MYH10: variants seen among roughly 807,000 people sequenced by gnomAD.
The protein encoded by MYH10 is myosin-10.
Under a neutral mutation model 257.8 loss-of-function variants are expected in MYH10, and 55 were observed. That is an observed-to-expected ratio of 0.21 (90% CI 0.17 to 0.27). The LOEUF is 0.27. Ranked by LOEUF, MYH10 falls within the 10% of genes least tolerant of loss-of-function variation. The pLI is 1.00. For missense variants in MYH10, 1,631 were observed against 2,500.6 expected, an observed-to-expected ratio of 0.65 and a Z score of 7.42; for synonymous variants, 854 against 921.7, an observed-to-expected ratio of 0.93 and a Z score of 1.33.
chr17:8,481,235 G>T, intron 38 of MYH10, 87 bp downstream of exon 38: 1 of 1,335,924 alleles, frequency 7.5e-7, no homozygotes. Flanking sequence ...ACCACCCGCT[G>T]ATGCCAGGTG....
intron 6 of MYH10, among the ~76,000 whole-genome samples, chr17:8,575,676 A>G (rs1036917649): frequency 1.3e-5 from 2 of 152,224 alleles, no homozygotes; most frequent in Non-Finnish European, 2.9e-5. Flanking sequence ...GATCATTTCC[A>G]TAACTCGATA....
chr17:8,548,988 AATG>A (rs1309651825), intron 9 of MYH10, among the ~76,000 whole-genome samples: 1 of 152,232 alleles, frequency 6.6e-6, no homozygotes, highest in East Asian at 1.9e-4. Context: ...AACAAAGGAA[AATG>A]ATGATGTTAA....
intron 35 of MYH10, 32 bp from the exon 36 acceptor site, chr17:8,487,626 C>A (rs1915081851): frequency 1.2e-6 from 2 of 1,612,964 alleles, no homozygotes; most frequent in African/African-American, 1.3e-5. Context: ...TGCTGGGTTA[C>A]ATCCAAGTAT....
rs1437344256 is a variant in MYH10, at chr17:8,488,816, AC to A, written c.4885-1223del. Among the ~76,000 whole-genome samples, 5 of 152,052 alleles carry A rather than the reference AC, an allele frequency of 3.3e-5. No homozygotes were observed. The South Asian group carries it at 1.0e-3, about 32-fold the overall frequency. On this transcript the variant is annotated intron_variant, in intron 35 of 42. Transcript: ENST00000360416. Reference sequence around the variant, plus strand: ...CATCTGCTTGCTGTGTTCTGCAGAGACCTGGGGCTGTACCTCAAGGCACAGG... The same window carrying A: ...CATCTGCTTGCTGTGTTCTGCAGAGACTGGGGCTGTACCTCAAGGCACAGG...
At position 8,548,747 on chromosome 17, in the gene MYH10, G is replaced by A; in HGVS notation, c.960C>T (p.Leu320=). The change falls in exon 10 of 43, where the codon CTC becomes CTT. Residue 320 remains leucine, a synonymous_variant. Transcript: ENST00000360416. The part of the protein sequence containing the change: ...LLEGFNNYRF[L]SNGYIPIPGQ... ...CCGGAATAGGAATATAGCCATTGGA[G>A]AGAAACCTGTAGTTATTAAATCCTT... is the stretch of plus-strand genomic sequence containing the variant. 6.2e-7 allele frequency: 1 copy of A among 1,613,364 alleles called. No individual in the cohort carries two copies. The highest frequency in any genetic ancestry group is 8.5e-7 in the Non-Finnish European group (1 of 1,179,362).
chr17:8,586,040 G>A (rs1254231479), intron 4 of MYH10, among the ~76,000 whole-genome samples: 1 of 152,070 alleles, frequency 6.6e-6, no homozygotes, highest in East Asian at 1.9e-4. Flanking sequence ...ACTTTAGCAG[G>A]ACCCCCCAGT....
chr17:8,490,634 C>A lies in MYH10; in HGVS notation c.4672-82G>T. 1 of 1,424,086 alleles carries A rather than the reference C, an allele frequency of 7.0e-7. No individual in the cohort carries two copies. The highest frequency in any genetic ancestry group is 2.3e-5 in the East Asian group (1 of 43,524). 88.2% of individuals were successfully genotyped at this position (1,424,086 alleles called of 1,614,324 possible). A position where few individuals can be genotyped will look rare whatever the true frequency, so the allele number is the denominator to read the frequency against. On this transcript the variant is annotated intron_variant, in intron 34 of 42. Coordinates refer to ENST00000360416, the MANE Select transcript of MYH10 (RefSeq NM_001256012.3). This position sits in a 1 kb window ranked among gnomAD's most constrained non-coding sequence, Gnocchi z 4.1. ...CAGCAGTCTTACTGTTTTACAGGCCCACTCGTGGCATGCTGGCCACTTTGG... is the reference window on the plus strand; with the variant it reads ...CAGCAGTCTTACTGTTTTACAGGCCAACTCGTGGCATGCTGGCCACTTTGG...
intron 19 of MYH10, among the ~76,000 whole-genome samples, chr17:8,520,528 T>C (rs1490827889): frequency 6.6e-6 from 1 of 152,090 alleles, no homozygotes; most frequent in Non-Finnish European, 1.5e-5. Flanking sequence ...ATAAAAATAA[T>C]TATGTTTGAA....
chr17:8,478,073 T>C (rs1912992178), intron 41 of MYH10, among the ~76,000 whole-genome samples: 1 of 152,212 alleles, frequency 6.6e-6, no homozygotes, highest in African/African-American at 2.4e-5. Context: ...GAAATCCCTG[T>C]ACTCACGAAG....
chr17:8,559,855 T>C (rs1353722377), intron 7 of MYH10, among the ~76,000 whole-genome samples: 1 of 152,220 alleles, frequency 6.6e-6, no homozygotes, highest in Non-Finnish European at 1.5e-5. Flanking sequence ...ACAGCTGTAT[T>C]ATCTATACAC....
In MYH10 at chr17:8,490,250, T is replaced by G; in HGVS notation, c.4884+90A>C. 1 of 1,076,614 alleles carries G rather than the reference T, an allele frequency of 9.3e-7. No homozygotes were observed. Among genetic ancestry groups the G allele is most frequent in the African/African-American group, 1.5e-5 (1 of 64,598 alleles). The allele number at this position is 1,076,614 out of a possible 1,614,324, so 66.7% of individuals were successfully genotyped here. On this transcript the variant is annotated intron_variant, in intron 35 of 42. Transcript: ENST00000360416. The surrounding 1 kb of genome is among the most constrained non-coding windows in gnomAD (Gnocchi z 4.1). ...GTGTTACTCTGTGTTTACTCAGATGTGTTCTAACACGAATGAACAGGATAC... is the reference window on the plus strand; with the variant it reads ...GTGTTACTCTGTGTTTACTCAGATGGGTTCTAACACGAATGAACAGGATAC...
chr17:8,475,982 AACAG>A lies in MYH10; in HGVS notation c.5880-38_5880-35del, dbSNP rs749257806. ...CACAGGAAGCAGATGTGTGTGGGTA[AACAG>A]ACAGGAGCACATGGCTGTCAATATG... On this transcript the variant is annotated intron_variant, in intron 42 of 42. Transcript: ENST00000360416. 2.8e-5 allele frequency: 44 copies of A among 1,598,774 alleles called. No individual in the cohort carries two copies. In the African/African-American group the frequency reaches 4.3e-4, roughly 16 times the overall value.
At position 8,564,666 on chromosome 17, in the gene MYH10, T is replaced by C. The variant is rs568393700; in HGVS notation, c.756+5054A>G. On this transcript the variant is annotated intron_variant, in intron 7 of 42. Coordinates refer to ENST00000360416, the MANE Select transcript of MYH10 (RefSeq NM_001256012.3). ...GGGCCTGGAAGAGTGTATGGCACTT[T>C]GTAGTGTCTGCCACATTTTCAGTAA... 2.0e-5 allele frequency among the ~76,000 whole-genome samples: 3 copies of C among 152,312 alleles called. No individual in the cohort carries two copies. In the East Asian group the frequency reaches 5.8e-4, roughly 29 times the overall value.
At chr17:8,479,707 C>A (rs79633298) in intron 40 of MYH10, among the ~76,000 whole-genome samples, 108 of 152,336 alleles carry the variant, frequency 7.1e-4, no homozygotes, top group African/African-American at 2.2e-3. Flanking sequence ...TTTAATACAA[C>A]AATATGAAAG....
At chr17:8,501,978 C>CGAGA (rs1377449535) in intron 28 of MYH10, among the ~76,000 whole-genome samples, 2 of 152,140 alleles carry the variant, frequency 1.3e-5, no homozygotes, top group Non-Finnish European at 2.9e-5. Flanking sequence ...TGTTTAAGCA[C>CGAGA]GAGCTTGATG....
chr17:8,592,782 C>T (rs12600981), intron 3 of MYH10, among the ~76,000 whole-genome samples: 1 of 91,990 alleles, frequency 1.1e-5, no homozygotes, highest in Non-Finnish European at 2.1e-5. Context: ...TCAATCCATT[C>T]TAAGAGACAA....
intron 2 of MYH10, among the ~76,000 whole-genome samples, chr17:8,613,486 T>C (rs2085122975): frequency 6.6e-6 from 1 of 152,158 alleles, no homozygotes; most frequent in African/African-American, 2.4e-5. Context: ...GCCCTACCTA[T>C]CATGATCTAC....
At chr17:8,623,334 G>A (rs1189243743) in intron 1 of MYH10, 57 bp from the exon 2 acceptor site, 7 of 1,437,198 alleles carry the variant, frequency 4.9e-6, no homozygotes, top group Non-Finnish European at 2.7e-6. Flanking sequence ...GAATGTACAC[G>A]TTTTTCTTTT....
chr17:8,509,765 A>G, intron 25 of MYH10, 47 bp downstream of exon 25: 1 of 1,550,972 alleles, frequency 6.4e-7, no homozygotes, highest in Non-Finnish European at 8.7e-7. Context: ...TATTATATAA[A>G]TATTTTCTGT....
Sources: gnomAD v4.1 joint callset for allele counts (sites outside exome capture counted in the v4.1 genomes callset) on GRCh38, gnomAD v4.1.1 for gene constraint, Gnocchi (gnomAD v3.1) non-coding constraint, MANE v1.5 for transcripts, NCBI Gene and HGNC (gene_info 2026-07-23, HGNC 2026-07-21) for gene names.